The following TF variants were observed in gnomAD, a reference collection of about 807,000 sequenced individuals.
TF encodes the protein serotransferrin.
Under a neutral mutation model 82.4 loss-of-function variants are expected in TF, and 55 were observed. The observed-to-expected ratio is 0.67, with a 90% CI of 0.54 to 0.84. The LOEUF (loss-of-function observed/expected upper bound fraction) is 0.84. Ranked by LOEUF, TF falls within the 40% of genes least tolerant of loss-of-function variation. The probability of loss-of-function intolerance (pLI) is 0.00; values close to 1 mark genes in which losing one functional copy is unlikely to be tolerated. For missense variants in TF, 737 were observed against 868.4 expected (o/e 0.85, Z 1.90); for synonymous variants, 332 against 332.6 (o/e 1.00, Z 0.02).
At chr3:133,728,161 T>C in the TF span, among the ~76,000 whole-genome samples, 1 of 152,168 alleles carries the variant, frequency 6.6e-6, no homozygotes, top group Non-Finnish European at 1.5e-5. Context: ...GGAGTATCTT[T>C]GTGGCGTTCT....
chr3:133,714,675 GTTTT>G, the TF span, among the ~76,000 whole-genome samples: 979 of 150,424 alleles, frequency 6.5e-3, 10 homozygotes, highest in African/African-American at 0.023. Context: ...TCCTTGAGTT[GTTTT>G]TTTGTTTGTT....
chr3:133,690,904 C>G, the TF span, among the ~76,000 whole-genome samples: 1 of 152,122 alleles, frequency 6.6e-6, no homozygotes, highest in African/African-American at 2.4e-5. Context: ...TGCCCTTTTA[C>G]CTGTATACTA....
chr3:133,752,703 G>A (rs936677567), intron 2 of TF, among the ~76,000 whole-genome samples: 20 of 152,276 alleles, frequency 1.3e-4, no homozygotes, highest in African/African-American at 2.6e-4. Flanking sequence ...AATAAACCCG[G>A]AATGTCTGCA....
the TF span, among the ~76,000 whole-genome samples, chr3:133,671,759 C>T: frequency 6.7e-6 from 1 of 149,170 alleles, no homozygotes; most frequent in Non-Finnish European, 1.5e-5. Flanking sequence ...TGCCACTTCA[C>T]TCCAGCCTGG....
the TF span, among the ~76,000 whole-genome samples, chr3:133,726,492 T>C: frequency 2.0e-5 from 3 of 152,230 alleles, no homozygotes; most frequent in Non-Finnish European, 4.4e-5. Flanking sequence ...TTCTGTGGGA[T>C]TGGTGGTGAT....
chr3:133,693,627 C>T, the TF span, among the ~76,000 whole-genome samples: 3 of 152,150 alleles, frequency 2.0e-5, no homozygotes, highest in African/African-American at 7.2e-5. Flanking sequence ...ACTGGACACC[C>T]ATCTGGGCAG....
chr3:133,728,053 G>C, the TF span, among the ~76,000 whole-genome samples: 4 of 152,258 alleles, frequency 2.6e-5, no homozygotes, highest in African/African-American at 7.2e-5. Context: ...TCCCTTTGTG[G>C]GTAACCCAAC....
intron 11 of TF, 113 bp from the exon 12 acceptor site, chr3:133,766,165 G>T: frequency 9.6e-7 from 1 of 1,036,502 alleles, no homozygotes; most frequent in Non-Finnish European, 1.5e-6. Flanking sequence ...ATCCTCTCAA[G>T]ACACAATGAC....
rs891542578 is a variant in TF, at chr3:133,789,787, A to G, written c.*11167A>G. ...GCATATATTTTTGTCTGGGTTTTAT[A>G]TTTGTCTCTGCTAGATATTTTGAGG... On this transcript the variant is annotated 3_prime_UTR_variant, in exon 17 of 17. Coordinates refer to ENST00000402696, the MANE Select transcript of TF (RefSeq NM_001063.4). The G allele has an allele frequency of 1.4e-5, 2 of 147,388 alleles. No individual in the cohort carries two copies. The highest frequency in any genetic ancestry group is 1.4e-4 in the Admixed American group (2 of 14,632). The allele number at this position is 147,388 out of a possible 1,614,324, so 9.1% of individuals were successfully genotyped here.
chr3:133,762,082 G>T (rs13083421), intron 9 of TF: 1 of 197,970 alleles, frequency 5.1e-6, no homozygotes, highest in East Asian at 1.3e-4. Context: ...TTATGTCCTA[G>T]AGATGCTGAA....
chr3:133,686,218 A>C, the TF span, among the ~76,000 whole-genome samples: 1 of 152,342 alleles, frequency 6.6e-6, no homozygotes, highest in African/African-American at 2.4e-5. Context: ...TAAAGACTTA[A>C]ATGTTAGACC....
chr3:133,696,925 TC>T, the TF span, among the ~76,000 whole-genome samples: 2 of 152,184 alleles, frequency 1.3e-5, no homozygotes, highest in African/African-American at 4.8e-5. Context: ...TAAATTTCTA[TC>T]AGATACAGAA....
chr3:133,731,443 T>C, the TF span, among the ~76,000 whole-genome samples: 1 of 152,238 alleles, frequency 6.6e-6, no homozygotes, highest in Non-Finnish European at 1.5e-5. Flanking sequence ...CTACCAGTTA[T>C]GTCCTCCAGC....
the TF span, among the ~76,000 whole-genome samples, chr3:133,736,487 C>G: frequency 8.6e-5 from 13 of 151,776 alleles, no homozygotes; most frequent in Non-Finnish European, 1.5e-4. Context: ...CTAAGTGCCC[C>G]CCAGTTAAAA....
chr3:133,764,818 G>A, intron 10 of TF, 57 bp from the exon 11 acceptor site: 1 of 1,562,006 alleles, frequency 6.4e-7, no homozygotes. Context: ...AAAAGGCATG[G>A]TTTCCCAATC....
In TF at chr3:133,783,366, G is replaced by C. The variant is rs1234961270; in HGVS notation, c.*4746G>C. 6.6e-6 allele frequency: 1 copy of C among 152,194 alleles called. No individual in the cohort carries two copies. Among genetic ancestry groups the C allele is most frequent in the Non-Finnish European group, 1.5e-5 (1 of 68,036 alleles). 9.4% of individuals were successfully genotyped at this position (152,194 alleles called of 1,614,324 possible). On this transcript the variant is annotated 3_prime_UTR_variant, in exon 17 of 17. Coordinates refer to ENST00000402696, the MANE Select transcript of TF (RefSeq NM_001063.4). ...GGGGGGGACAGATAGGCTACTCACT[G>C]AAGTGTTTAGAAGCAGAGTAGCTGA...
At chr3:133,778,353 C>G (rs1934447229) in intron 16 of TF, 1 of 435,914 alleles carries the variant, frequency 2.3e-6, no homozygotes, top group East Asian at 5.0e-5. Flanking sequence ...GGTGGAGGAC[C>G]CTGTAGGGCA....
At position 133,784,805 on chromosome 3, in the gene TF, G is replaced by C. The variant is rs72974387; in HGVS notation, c.*6185G>C. ...CTGGGTTAGAGGACATGGGGCAGAA[G>C]ACCTGAGAAGGAAGAGAGGACAGTT... On this transcript the variant is annotated 3_prime_UTR_variant, in exon 17 of 17. Transcript: ENST00000402696. 0.027 allele frequency: 4,143 copies of C among 152,388 alleles called. 196 individuals carry two copies. The highest frequency in any genetic ancestry group is 0.093 in the African/African-American group (3,879 of 41,550). 9.4% of individuals were successfully genotyped at this position (152,388 alleles called of 1,614,324 possible).
intron 15 of TF, 25 bp downstream of exon 15, chr3:133,775,642 C>G: frequency 6.2e-7 from 1 of 1,612,424 alleles, no homozygotes; most frequent in Non-Finnish European, 8.5e-7. Context: ...GGTCCTCCCA[C>G]CTTTTCTTCC....
Sources: gnomAD v4.1 joint callset for allele counts (sites outside exome capture counted in the v4.1 genomes callset) on GRCh38, gnomAD v4.1.1 for gene constraint, MANE v1.5 for transcripts, NCBI Gene and HGNC (gene_info 2026-07-23, HGNC 2026-07-21) for gene names.